The following KCTD16 variants were observed in gnomAD, a reference collection of about 807,000 sequenced individuals.
KCTD16 encodes BTB/POZ domain-containing protein KCTD16.
KCTD16 carries 13 observed loss-of-function variants against 33.2 expected under a neutral mutation model. The observed-to-expected ratio is 0.39, with a 90% CI of 0.25 to 0.62. KCTD16 has a LOEUF of 0.62. Ranked by LOEUF, KCTD16 falls within the 20% of genes least tolerant of loss-of-function variation. The probability of loss-of-function intolerance (pLI) is 0.50; values close to 1 mark genes in which losing one functional copy is unlikely to be tolerated. For synonymous variants in KCTD16, 197 were observed against 195.3 expected (o/e 1.01, Z -0.07); for missense variants, 441 against 525.1 (o/e 0.84, Z 1.57).
intron 3 of KCTD16, among the ~76,000 whole-genome samples, chr5:144,273,101 T>C (rs574344665): frequency 7.2e-4 from 110 of 152,242 alleles, no homozygotes; most frequent in African/African-American, 2.5e-3. Flanking sequence ...ATTCCAGATA[T>C]ATAGTGAACT....
intron 3 of KCTD16, among the ~76,000 whole-genome samples, chr5:144,349,343 C>A (rs1468311004): frequency 3.3e-5 from 5 of 152,040 alleles, no homozygotes; most frequent in Non-Finnish European, 7.4e-5. Flanking sequence ...TTTCTGTGCC[C>A]CAGTACTGGC....
At chr5:144,442,298 T>C (rs925491317) in intron 3 of KCTD16, among the ~76,000 whole-genome samples, 1 of 152,096 alleles carries the variant, frequency 6.6e-6, no homozygotes, top group African/African-American at 2.4e-5. Flanking sequence ...GTCCTAAATC[T>C]TTTCTCTTAT....
At chr5:144,452,773 T>G (rs918823873) in intron 3 of KCTD16, among the ~76,000 whole-genome samples, 2 of 109,122 alleles carry the variant, frequency 1.8e-5, no homozygotes, top group Non-Finnish European at 4.0e-5. Flanking sequence ...CAAGCAAGAA[T>G]AAAAAAAAAA....
At chr5:144,432,640 T>A (rs1055918779) in intron 3 of KCTD16, among the ~76,000 whole-genome samples, 1 of 151,122 alleles carries the variant, frequency 6.6e-6, no homozygotes, top group Non-Finnish European at 1.5e-5. Context: ...ACACTAAATG[T>A]GTGTGTGTGT....
chr5:144,347,156 C>A (rs1001592128), intron 3 of KCTD16, among the ~76,000 whole-genome samples: 3 of 152,104 alleles, frequency 2.0e-5, no homozygotes, highest in Admixed American at 2.0e-4. Flanking sequence ...ATCCTCTAGC[C>A]CCATGTGGCC....
At chr5:144,431,761 G>A (rs934947545) in intron 3 of KCTD16, among the ~76,000 whole-genome samples, 9 of 152,052 alleles carry the variant, frequency 5.9e-5, no homozygotes, top group South Asian at 4.1e-4. Flanking sequence ...TTTTTATTCC[G>A]ACACAATACT....
rs75748971 is a variant in KCTD16 at position 144,185,693 on chromosome 5, T to C, written c.-327+11221T>C. On this transcript the variant is annotated intron_variant, in intron 2 of 3. Transcript: ENST00000512467. ...TAGACACCCATTTACATTTTATTGT[T>C]TTCTTGGGAGATAGGGAGCTTTTTT... is the stretch of plus-strand genomic sequence containing the variant. Among the ~76,000 whole-genome samples the C allele has an allele frequency of 5.8e-4, 89 of 152,310 alleles. 1 individual carries two copies. In the East Asian group the frequency reaches 0.015, roughly 25 times the overall value.
chr5:144,316,826 C>CTT (rs34796022), intron 3 of KCTD16, among the ~76,000 whole-genome samples: 20,386 of 111,002 alleles, frequency 0.18, 2,580 homozygotes, highest in Non-Finnish European at 0.26. Context: ...GCCAGCATCC[C>CTT]TTTTTTTTTT....
At chr5:144,266,090 G>A (rs1425748562) in intron 3 of KCTD16, among the ~76,000 whole-genome samples, 1 of 152,150 alleles carries the variant, frequency 6.6e-6, no homozygotes, top group Admixed American at 6.5e-5. Flanking sequence ...TTCCCAGTGT[G>A]TTGCCTCTGA....
At chr5:144,174,082 A>C (rs1442375525) in intron 1 of KCTD16, among the ~76,000 whole-genome samples, 1 of 152,174 alleles carries the variant, frequency 6.6e-6, no homozygotes, top group Non-Finnish European at 1.5e-5. Context: ...CTAGACTTGT[A>C]ATAGCTGCGC....
At chr5:144,402,253 T>C (rs1471293568) in intron 3 of KCTD16, among the ~76,000 whole-genome samples, 1 of 152,208 alleles carries the variant, frequency 6.6e-6, no homozygotes, top group Non-Finnish European at 1.5e-5. Flanking sequence ...TCTGGGCTAA[T>C]TTATTAGCTC....
At chr5:144,305,260 T>C (rs1322889951) in intron 3 of KCTD16, among the ~76,000 whole-genome samples, 1 of 152,154 alleles carries the variant, frequency 6.6e-6, no homozygotes, top group Non-Finnish European at 1.5e-5. Context: ...GGTTCAATGT[T>C]GATAGGAAGA....
intron 3 of KCTD16, among the ~76,000 whole-genome samples, chr5:144,382,591 A>G (rs1388042216): frequency 6.6e-6 from 1 of 152,142 alleles, no homozygotes; most frequent in East Asian, 1.9e-4. Flanking sequence ...CCCATATTAT[A>G]TGATAAACTA....
intron 2 of KCTD16, among the ~76,000 whole-genome samples, chr5:144,183,918 T>C (rs1752674733): frequency 6.6e-6 from 1 of 152,252 alleles, no homozygotes; most frequent in Non-Finnish European, 1.5e-5. Context: ...TACTTGATTC[T>C]ACTTTACTTC....
chr5:144,354,759 T>G (rs1046366433), intron 3 of KCTD16, among the ~76,000 whole-genome samples: 1 of 152,206 alleles, frequency 6.6e-6, no homozygotes, highest in Non-Finnish European at 1.5e-5. Flanking sequence ...AAATAAACTT[T>G]ATGTGTTAAC....
intron 3 of KCTD16, among the ~76,000 whole-genome samples, chr5:144,213,874 T>G (rs1439397582): frequency 2.6e-5 from 4 of 152,184 alleles, no homozygotes; most frequent in Admixed American, 6.5e-5. Context: ...GTATTGCACT[T>G]CCATTCTTGT....
At chr5:144,417,911 T>C (rs970779929) in intron 3 of KCTD16, among the ~76,000 whole-genome samples, 43 of 152,294 alleles carry the variant, frequency 2.8e-4, no homozygotes, top group African/African-American at 9.1e-4. Context: ...AATGAAGCTA[T>C]GGACCCTCAC....
At chr5:144,307,252 C>A (rs1751626372) in intron 3 of KCTD16, among the ~76,000 whole-genome samples, 1 of 152,168 alleles carries the variant, frequency 6.6e-6, no homozygotes, top group African/African-American at 2.4e-5. Flanking sequence ...CTAAAACTTG[C>A]AAATTGGAGT....
chr5:144,272,353 C>T (rs1755321591), intron 3 of KCTD16, among the ~76,000 whole-genome samples: 1 of 151,982 alleles, frequency 6.6e-6, no homozygotes, highest in Non-Finnish European at 1.5e-5. Flanking sequence ...TCACTTGAAC[C>T]CAGGAGGTGG....
Sources: gnomAD v4.1 joint callset for allele counts (sites outside exome capture counted in the v4.1 genomes callset) on GRCh38, gnomAD v4.1.1 for gene constraint, MANE v1.5 for transcripts, NCBI Gene and HGNC (gene_info 2026-07-23, HGNC 2026-07-21) for gene names.